Variants in MCU observed in about 807,000 individuals in gnomAD.
MCU encodes the protein calcium uniporter protein, mitochondrial.
In MCU, 12 loss-of-function variants were observed where a neutral mutation model predicts 45.2. The ratio of observed to expected loss-of-function variants is 0.27; its 90% confidence interval spans 0.17 to 0.43. MCU has a LOEUF of 0.43. MCU is among the 20% of genes least tolerant of loss of function. MCU has a pLI of 1.00. For missense variants in MCU, 324 were observed against 436.7 expected (o/e 0.74, Z 2.30); for synonymous variants, 160 against 165.1 (o/e 0.97, Z 0.24).
At chr10:72,858,953 C>T (rs1845334925) in intron 2 of MCU, among the ~76,000 whole-genome samples, 1 of 152,134 alleles carries the variant, frequency 6.6e-6, no homozygotes, top group African/African-American at 2.4e-5. Context: ...AGTTCCTTGC[C>T]TGTTTTTTCA....
chr10:72,710,841 A>G (rs572834652), intron 1 of MCU, among the ~76,000 whole-genome samples: 1 of 152,156 alleles, frequency 6.6e-6, no homozygotes, highest in South Asian at 2.1e-4. Flanking sequence ...ATCTACACCT[A>G]TCTTATATAG....
At chr10:72,838,636 C>T (rs1189679641) in intron 2 of MCU, among the ~76,000 whole-genome samples, 2 of 151,520 alleles carry the variant, frequency 1.3e-5, no homozygotes, top group Non-Finnish European at 2.9e-5. Flanking sequence ...TTGTCTCACA[C>T]ACACAAAAAA....
intron 1 of MCU, among the ~76,000 whole-genome samples, chr10:72,798,318 G>A (rs1266066878): frequency 1.3e-5 from 2 of 152,276 alleles, no homozygotes; most frequent in Admixed American, 1.3e-4. Flanking sequence ...TTGAGATGGA[G>A]TCTCGCTCTG....
At chr10:72,727,151 C>T (rs911087565) in intron 1 of MCU, among the ~76,000 whole-genome samples, 2 of 152,166 alleles carry the variant, frequency 1.3e-5, no homozygotes, top group Admixed American at 1.3e-4. Flanking sequence ...TGTAGTCTCT[C>T]AGCTTGAAAA....
chr10:72,717,229 C>T (rs1842965840), intron 1 of MCU, among the ~76,000 whole-genome samples: 1 of 148,612 alleles, frequency 6.7e-6, no homozygotes, highest in South Asian at 2.1e-4. Flanking sequence ...AGTTTGGATG[C>T]TTTTATTGTT....
chr10:72,694,029 C>T lies in MCU; in HGVS notation c.150+1728C>T, dbSNP rs1013766193. ...GAGTGTCTCCCTTGTGGGGATACTTCACGAAGGTGTTCTCTGTGCTATTCT... is the reference window on the plus strand; with the variant it reads ...GAGTGTCTCCCTTGTGGGGATACTTTACGAAGGTGTTCTCTGTGCTATTCT... On this transcript the variant is annotated intron_variant, in intron 1 of 7. Coordinates refer to ENST00000373053, the MANE Select transcript of MCU (RefSeq NM_138357.3). Among the ~76,000 whole-genome samples the T allele has an allele frequency of 3.3e-5, 5 of 152,308 alleles. No homozygotes were observed. In the East Asian group the frequency reaches 5.8e-4, roughly 18 times the overall value.
intron 1 of MCU, among the ~76,000 whole-genome samples, chr10:72,726,417 T>C (rs1479755019): frequency 6.6e-6 from 1 of 152,200 alleles, no homozygotes; most frequent in Non-Finnish European, 1.5e-5. Context: ...GGCCGTATAA[T>C]ATGCCATCAT....
intron 1 of MCU, among the ~76,000 whole-genome samples, chr10:72,780,511 AGTGTGTGTGTGTGTGTGT>A (rs60306247): frequency 1.1e-4 from 12 of 110,584 alleles, no homozygotes; most frequent in Admixed American, 5.0e-4. Context: ...TCTTTGGCTA[AGTGTGTGTGTGTGTGTGT>A]GTGTGTGTGT....
At chr10:72,762,327 C>A (rs1389396530) in intron 1 of MCU, among the ~76,000 whole-genome samples, 1 of 152,016 alleles carries the variant, frequency 6.6e-6, no homozygotes, top group Middle Eastern at 3.2e-3. Flanking sequence ...GAAACTATTC[C>A]AAAAGACTGA....
intron 1 of MCU, among the ~76,000 whole-genome samples, chr10:72,722,316 C>CAAAAAAAAAAAA: frequency 9.9e-5 from 2 of 20,158 alleles, no homozygotes; most frequent in Non-Finnish European, 2.3e-4. Context: ...AACTCCATCT[C>CAAAAAAAAAAAA]AAAAAAAAAA....
intron 1 of MCU, among the ~76,000 whole-genome samples, chr10:72,695,056 T>C (rs911767532): frequency 3.3e-5 from 5 of 152,172 alleles, no homozygotes; most frequent in Non-Finnish European, 5.9e-5. Context: ...GTTGCCTGCT[T>C]TTCTGTATGG....
At chr10:72,845,588 C>A (rs1845109019) in intron 2 of MCU, among the ~76,000 whole-genome samples, 1 of 152,134 alleles carries the variant, frequency 6.6e-6, no homozygotes, top group Non-Finnish European at 1.5e-5. Flanking sequence ...GTATTCAGCA[C>A]AGTAACATGG....
chr10:72,755,790 A>G (rs1158044003), intron 1 of MCU, among the ~76,000 whole-genome samples: 5 of 151,914 alleles, frequency 3.3e-5, no homozygotes, highest in African/African-American at 1.2e-4. Flanking sequence ...AGAGTTTTCA[A>G]AGGTTGTGCC....
At chr10:72,708,666 A>T (rs1842853010) in intron 1 of MCU, among the ~76,000 whole-genome samples, 1 of 152,162 alleles carries the variant, frequency 6.6e-6, no homozygotes, top group African/African-American at 2.4e-5. Flanking sequence ...ACACAGCTGT[A>T]GATCATCTTG....
In MCU at chr10:72,742,673, A is replaced by G. The variant is rs938327293; in HGVS notation, c.150+50372A>G. On this transcript the variant is annotated intron_variant, in intron 1 of 7. Coordinates refer to ENST00000373053, the MANE Select transcript of MCU (RefSeq NM_138357.3). ...GTCTTGCCTGCAAACTTTCACACATATAAGTGTGCCTAATAATGAAGAACC... is the reference window on the plus strand; with the variant it reads ...GTCTTGCCTGCAAACTTTCACACATGTAAGTGTGCCTAATAATGAAGAACC... Among the ~76,000 whole-genome samples the G allele has an allele frequency of 3.3e-5, 5 of 152,222 alleles. No homozygotes were observed. The East Asian group carries it at 5.8e-4, about 18-fold the overall frequency.
intron 1 of MCU, among the ~76,000 whole-genome samples, chr10:72,729,913 A>G (rs1843148251): frequency 6.7e-6 from 1 of 148,388 alleles, no homozygotes; most frequent in Non-Finnish European, 1.5e-5. Context: ...CCTGTGCTTG[A>G]GAACCATTGC....
rs565076486 is a variant in MCU at position 72,796,510 on chromosome 10, G to A, written c.151-37849G>A. Among the ~76,000 whole-genome samples the A allele has an allele frequency of 3.3e-5, 5 of 152,168 alleles. No individual in the cohort carries two copies. In the South Asian group the frequency reaches 1.0e-3, roughly 32 times the overall value. ...CGAATACAAAGCCAGAGCTTTAACA[G>A]GAAAATTTATTTTGTTAATTTTTTA... On this transcript the variant is annotated intron_variant, in intron 1 of 7. Transcript: ENST00000373053.
chr10:72,856,936 C>A (rs1237287429), intron 2 of MCU, among the ~76,000 whole-genome samples: 18 of 79,648 alleles, frequency 2.3e-4, no homozygotes, highest in East Asian at 8.8e-4. Context: ...CAAGATGTCT[C>A]AAAAAAAAAA....
At chr10:72,705,251 A>G (rs2132653743) in intron 1 of MCU, among the ~76,000 whole-genome samples, 1 of 152,350 alleles carries the variant, frequency 6.6e-6, no homozygotes, top group East Asian at 1.9e-4. Context: ...TACATGTGCC[A>G]TGCAAAAAAA....
Sources: gnomAD v4.1 joint callset for allele counts (sites outside exome capture counted in the v4.1 genomes callset) on GRCh38, gnomAD v4.1.1 for gene constraint, MANE v1.5 for transcripts, NCBI Gene and HGNC (gene_info 2026-07-23, HGNC 2026-07-21) for gene names.